The following RHPN2 variants were observed in gnomAD, a reference collection of about 807,000 sequenced individuals.
RHPN2 encodes the protein rhophilin Rho GTPase binding protein 2, also known as rhophilin-2.
A neutral mutation model predicts 79.0 loss-of-function variants in RHPN2; 40 were observed. That is an observed-to-expected ratio of 0.51 (90% CI 0.39 to 0.66). The LOEUF (loss-of-function observed/expected upper bound fraction) is 0.66, where lower values mean the gene tolerates loss of function less well. Ranked by LOEUF, RHPN2 falls within the 30% of genes least tolerant of loss-of-function variation. The pLI is 0.00. For synonymous variants in RHPN2, 285 were observed against 363.5 expected (o/e 0.78, Z 2.46); for missense variants, 686 against 883.5 (o/e 0.78, Z 2.83).
intron 1 of RHPN2, among the ~76,000 whole-genome samples, chr19:33,054,712 A>G (rs1168632977): frequency 1.3e-5 from 2 of 152,130 alleles, no homozygotes; most frequent in African/African-American, 4.8e-5. Flanking sequence ...ACTGTGTCCT[A>G]TGGCTACCTC....
Position 32,996,209 on chromosome 19 carries a change from A to G in RHPN2, c.1237T>C (p.Leu413=), listed in dbSNP as rs533157178. 164 of 1,614,142 alleles carry G rather than the reference A, an allele frequency of 1.0e-4. 1 individual carries two copies. In the East Asian group the frequency reaches 3.2e-3, roughly 31 times the overall value. ...TCGTGATGAGCCATGGCTCTGCGCA[A>G]GTGGGACTTCCCTGCAGACGGAAGC... ...QQRRQLGKSH[L]RRAMAHHEES... The change falls in exon 11 of 15, where the codon TTG becomes CTG. Residue 413 remains leucine, a synonymous_variant. Coordinates refer to ENST00000254260, the MANE Select transcript of RHPN2 (RefSeq NM_033103.5).
chr19:33,018,470 T>G (rs1971896121), intron 4 of RHPN2, among the ~76,000 whole-genome samples: 2 of 152,180 alleles, frequency 1.3e-5, no homozygotes, highest in Non-Finnish European at 2.9e-5. Context: ...CATCTGGGCA[T>G]AAGTCTCAGG....
intron 1 of RHPN2, among the ~76,000 whole-genome samples, chr19:33,044,843 G>A (rs1599832617): frequency 6.6e-6 from 1 of 152,266 alleles, no homozygotes; most frequent in East Asian, 1.9e-4. Context: ...GCAGTGAGCC[G>A]AGATTATGCC....
chr19:33,009,193 A>G (rs1971817587), intron 6 of RHPN2, among the ~76,000 whole-genome samples: 1 of 152,050 alleles, frequency 6.6e-6, no homozygotes, highest in African/African-American at 2.4e-5. Flanking sequence ...CTGTCATTCT[A>G]TGTTGGCCAA....
chr19:33,036,990 CA>C (rs1972063897), intron 2 of RHPN2, among the ~76,000 whole-genome samples: 1 of 152,208 alleles, frequency 6.6e-6, no homozygotes, highest in Admixed American at 6.5e-5. Context: ...AGTGCGGGCG[CA>C]GGGCGCCGGA....
chr19:33,043,179 G>A (rs139287030), intron 2 of RHPN2, among the ~76,000 whole-genome samples: 26 of 151,640 alleles, frequency 1.7e-4, no homozygotes, highest in Middle Eastern at 3.5e-3. Context: ...GGAGGTTGGG[G>A]GCTACAGTGA....
At chr19:32,999,128 G>A (rs1971728129) in intron 10 of RHPN2, among the ~76,000 whole-genome samples, 2 of 152,070 alleles carry the variant, frequency 1.3e-5, no homozygotes, top group African/African-American at 4.8e-5. Flanking sequence ...CTGCGTATGT[G>A]TGCATGGGTG....
In RHPN2 at chr19:32,979,709, A is replaced by T; in HGVS notation, c.*287T>A. The T allele has an allele frequency of 2.5e-6, 1 of 392,198 alleles. No individual in the cohort carries two copies. Among genetic ancestry groups the T allele is most frequent in the Non-Finnish European group, 4.6e-6 (1 of 215,122 alleles). 24.3% of individuals were successfully genotyped at this position (392,198 alleles called of 1,614,324 possible). ...ACTAAAAGTCATAATTGTCACCATT[A>T]AAAATAGCCATATTTCATATCTTCA... is the stretch of plus-strand genomic sequence containing the variant. On this transcript the variant is annotated 3_prime_UTR_variant, in exon 15 of 15. Coordinates refer to ENST00000254260, the MANE Select transcript of RHPN2 (RefSeq NM_033103.5).
chr19:33,008,178 T>C lies in RHPN2; in HGVS notation c.596A>G (p.Tyr199Cys). Residue 199 changes from tyrosine to cysteine, a missense_variant and splice_region_variant, in exon 7 of 15, where the codon TAT becomes TGT. Transcript: ENST00000254260. ...TRQMGLLFTW[Y>C]DSLTGVPVSQ... ...GACCGGAACCCCGGTGAGAGAGTCATACCTATGTGAAAGAAATGCATTCCG... is the reference window on the plus strand; with the variant it reads ...GACCGGAACCCCGGTGAGAGAGTCACACCTATGTGAAAGAAATGCATTCCG... The C allele has an allele frequency of 1.2e-6, 2 of 1,613,768 alleles. 1 individual carries two copies.
chr19:33,012,588 G>T, intron 5 of RHPN2, 59 bp downstream of exon 5: 1 of 1,034,240 alleles, frequency 9.7e-7, no homozygotes, highest in South Asian at 1.3e-5. Flanking sequence ...TGCAATAATG[G>T]GGTTCCCTGA....
intron 14 of RHPN2, among the ~76,000 whole-genome samples, chr19:32,988,951 C>T (rs1971632435): frequency 6.6e-6 from 1 of 152,202 alleles, no homozygotes; most frequent in Non-Finnish European, 1.5e-5. Flanking sequence ...GCTCTGACAC[C>T]TAAGAGAGTG....
At chr19:32,981,508 G>A (rs1458656735) in intron 14 of RHPN2, among the ~76,000 whole-genome samples, 16 of 127,628 alleles carry the variant, frequency 1.3e-4, no homozygotes, top group Non-Finnish European at 2.0e-4. Flanking sequence ...GGCAAGGGAA[G>A]GGAAAAAAAA....
intron 1 of RHPN2, among the ~76,000 whole-genome samples, chr19:33,058,951 C>T (rs1972256615): frequency 6.6e-6 from 1 of 151,850 alleles, no homozygotes; most frequent in Non-Finnish European, 1.5e-5. Context: ...TACAATTAGC[C>T]GGGCATGGTG....
intron 7 of RHPN2, among the ~76,000 whole-genome samples, chr19:33,004,440 A>C (rs745592236): frequency 3.9e-4 from 59 of 152,288 alleles, no homozygotes; most frequent in Non-Finnish European, 7.1e-4. Context: ...GCACACTTAA[A>C]AATGGTTAAA....
intron 1 of RHPN2, among the ~76,000 whole-genome samples, chr19:33,061,124 G>C (rs542256243): frequency 1.3e-5 from 2 of 152,202 alleles, no homozygotes; most frequent in East Asian, 3.9e-4. Flanking sequence ...CCACACCCTG[G>C]GGGGGCCTAC....
At chr19:33,027,221 C>T (rs754906545) in intron 2 of RHPN2, 2 of 137,202 alleles carry the variant, frequency 1.5e-5, no homozygotes, top group Non-Finnish European at 3.0e-5. Flanking sequence ...TGCACTCCAG[C>T]CTGGACAACA....
intron 2 of RHPN2, among the ~76,000 whole-genome samples, chr19:33,027,445 T>C (rs1292754047): frequency 6.6e-6 from 1 of 151,712 alleles, no homozygotes; most frequent in African/African-American, 2.4e-5. Flanking sequence ...CAGTGAGCTA[T>C]GATCACACCA....
chr19:33,038,718 C>T (rs1358946319), intron 2 of RHPN2, among the ~76,000 whole-genome samples: 5 of 152,128 alleles, frequency 3.3e-5, no homozygotes, highest in South Asian at 2.1e-4. Context: ...AGTGCAATGG[C>T]GCGATCTCGG....
intron 2 of RHPN2, among the ~76,000 whole-genome samples, chr19:33,037,763 C>G (rs57840145): frequency 0.023 from 3,534 of 152,264 alleles, 126 homozygotes; most frequent in African/African-American, 0.081. Context: ...GGAACAAACT[C>G]CAGACACGCT....
Sources: gnomAD v4.1 joint callset for allele counts (sites outside exome capture counted in the v4.1 genomes callset) on GRCh38, gnomAD v4.1.1 for gene constraint, MANE v1.5 for transcripts, NCBI Gene and HGNC (gene_info 2026-07-23, HGNC 2026-07-21) for gene names.